WDPCP: variants seen among roughly 807,000 people sequenced by gnomAD.
WDPCP encodes WD repeat-containing and planar cell polarity effector protein fritz homolog.
A neutral mutation model predicts 93.1 loss-of-function variants in WDPCP; 71 were observed. The observed-to-expected ratio is 0.76, with a 90% CI of 0.63 to 0.93. WDPCP has a LOEUF of 0.93. Among genes scored for constraint, WDPCP ranks in the 40% least tolerant of loss-of-function variants. The pLI is 0.00. For synonymous variants in WDPCP, 315 were observed against 315.0 expected (o/e 1.00, Z 0.00); for missense variants, 844 against 887.4 (o/e 0.95, Z 0.62).
chr2:63,257,506 AC>A (rs1354163376), intron 14 of WDPCP, among the ~76,000 whole-genome samples: 1 of 152,132 alleles, frequency 6.6e-6, no homozygotes, highest in African/African-American at 2.4e-5. Context: ...TAATAGGGCA[AC>A]CTCTTGAAAG....
At chr2:63,238,589 TTCTG>T (rs1364973390) in intron 14 of WDPCP, among the ~76,000 whole-genome samples, 2 of 152,152 alleles carry the variant, frequency 1.3e-5, no homozygotes, top group Non-Finnish European at 2.9e-5. Context: ...TAATTTAAAA[TTCTG>T]TCTGTGGCTT....
At chr2:63,767,215 T>C (rs1670154769) in intron 2 of WDPCP, among the ~76,000 whole-genome samples, 1 of 152,198 alleles carries the variant, frequency 6.6e-6, no homozygotes, top group Admixed American at 6.5e-5. Context: ...TAGTGCATTG[T>C]ATATATACTT....
intron 12 of WDPCP, among the ~76,000 whole-genome samples, chr2:63,353,763 G>A (rs927464044): frequency 2.6e-5 from 4 of 152,178 alleles, no homozygotes; most frequent in African/African-American, 9.6e-5. Context: ...AGAGGGAAAG[G>A]CAGGCTGCCA....
chr2:63,242,911 G>C (rs1291464164), intron 14 of WDPCP, among the ~76,000 whole-genome samples: 1 of 152,068 alleles, frequency 6.6e-6, no homozygotes, highest in Non-Finnish European at 1.5e-5. Flanking sequence ...GTAGATGAAG[G>C]CTTTACCCTA....
At chr2:63,627,797 T>C (rs1412037241) in intron 3 of WDPCP, among the ~76,000 whole-genome samples, 1 of 152,140 alleles carries the variant, frequency 6.6e-6, no homozygotes, top group African/African-American at 2.4e-5. Flanking sequence ...ACCCTTCAAT[T>C]TGTTCGTGGG....
chr2:63,515,431 T>C (rs1250666525), intron 1 of WDPCP, among the ~76,000 whole-genome samples: 1 of 152,196 alleles, frequency 6.6e-6, no homozygotes, highest in Non-Finnish European at 1.5e-5. Context: ...CTATTAAAGA[T>C]GCTCAATAAA....
At position 63,240,766 on chromosome 2, in the gene WDPCP, G is replaced by A. The variant is rs541631385; in HGVS notation, c.1915+18541C>T. On this transcript the variant is annotated intron_variant, in intron 14 of 17. Transcript: ENST00000272321. Reference sequence around the variant, plus strand: ...TCTAATAAGTAAAGCAGAGAAAGAGGTTTGAGACTTTCAACTCCTGTCTCA... The same window carrying A: ...TCTAATAAGTAAAGCAGAGAAAGAGATTTGAGACTTTCAACTCCTGTCTCA... 7.2e-5 allele frequency among the ~76,000 whole-genome samples: 11 copies of A among 152,222 alleles called. No individual in the cohort carries two copies. The South Asian group carries it at 1.9e-3, about 26-fold the overall frequency.
chr2:63,140,539 G>A (rs1462693677), intron 17 of WDPCP, among the ~76,000 whole-genome samples: 1 of 141,704 alleles, frequency 7.1e-6, no homozygotes, highest in African/African-American at 2.7e-5. Context: ...TCCTTGGTTA[G>A]GTATATTCCT....
chr2:63,236,855 A>G (rs1679441903), intron 14 of WDPCP, among the ~76,000 whole-genome samples: 1 of 152,138 alleles, frequency 6.6e-6, no homozygotes, highest in African/African-American at 2.4e-5. Flanking sequence ...TGAATGTAAA[A>G]CCTCAAAATA....
chr2:63,314,788 T>C (rs1227598493), intron 12 of WDPCP, among the ~76,000 whole-genome samples: 1 of 152,142 alleles, frequency 6.6e-6, no homozygotes, highest in Non-Finnish European at 1.5e-5. Context: ...CCGGGATCCA[T>C]CTCTTCCCTG....
At chr2:63,531,758 C>A (rs919860779) in intron 1 of WDPCP, among the ~76,000 whole-genome samples, 5 of 152,170 alleles carry the variant, frequency 3.3e-5, no homozygotes, top group Non-Finnish European at 5.9e-5. Context: ...TGGGGGGAAA[C>A]CAGAGCAGAA....
rs550058412 is a variant in WDPCP, at chr2:63,458,167, C to T, written c.385-18296G>A. 2.5e-3 allele frequency among the ~76,000 whole-genome samples: 377 copies of T among 150,482 alleles called. 1 individual carries two copies. The highest frequency in any genetic ancestry group is 6.9e-3 in the Middle Eastern group (2 of 290). ...AAAAAACTGGAATAAGACAAGAATG[C>T]CCACTTTCACCATTCCTAATCGACA... is the stretch of plus-strand genomic sequence containing the variant. On this transcript the variant is annotated intron_variant, in intron 6 of 17. Transcript: ENST00000272321.
chr2:63,562,377 T>C (rs1177412787), intron 1 of WDPCP, among the ~76,000 whole-genome samples: 2 of 151,626 alleles, frequency 1.3e-5, no homozygotes, highest in South Asian at 2.1e-4. Context: ...CTGTCGGGGG[T>C]TGTGGTGGGA....
At chr2:63,835,373 G>T in the WDPCP span, among the ~76,000 whole-genome samples, 1 of 129,530 alleles carries the variant, frequency 7.7e-6, no homozygotes, top group Non-Finnish European at 1.6e-5. Context: ...CTGGGTGACA[G>T]AGCGAGACTC....
intron 14 of WDPCP, among the ~76,000 whole-genome samples, chr2:63,249,258 A>G (rs1680526312): frequency 6.6e-6 from 1 of 152,078 alleles, no homozygotes; most frequent in African/African-American, 2.4e-5. Flanking sequence ...GTCTTTTCTG[A>G]AATGTGTGTT....
chr2:63,142,638 C>A (rs1559149896), intron 17 of WDPCP, among the ~76,000 whole-genome samples: 1 of 151,998 alleles, frequency 6.6e-6, no homozygotes. Context: ...TATGTTAAGT[C>A]CATTTGTTTT....
chr2:63,242,529 G>T (rs1679935072), intron 14 of WDPCP, among the ~76,000 whole-genome samples: 1 of 152,184 alleles, frequency 6.6e-6, no homozygotes, highest in Non-Finnish European at 1.5e-5. Flanking sequence ...AGCTGAGGCA[G>T]GAGGATTGCT....
At chr2:63,269,678 G>GGATT (rs1682462053) in intron 13 of WDPCP, among the ~76,000 whole-genome samples, 19 of 152,082 alleles carry the variant, frequency 1.2e-4, no homozygotes, top group Admixed American at 1.2e-3. Flanking sequence ...AATGTTCCTA[G>GGATT]GATTGATAGG....
chr2:63,359,306 T>C (rs1690259736), intron 12 of WDPCP, among the ~76,000 whole-genome samples: 3 of 152,160 alleles, frequency 2.0e-5, no homozygotes, highest in South Asian at 4.1e-4. Flanking sequence ...GAAAAATCCA[T>C]AAACTTTTTT....
Sources: allele counts gnomAD v4.1 joint callset (sites outside exome capture counted in the v4.1 genomes callset), GRCh38; gene constraint gnomAD v4.1.1; transcripts MANE v1.5; gene names NCBI Gene and HGNC (gene_info 2026-07-23, HGNC 2026-07-21).